The following RIMS3 variants were observed in gnomAD, a reference collection of about 807,000 sequenced individuals.
The protein encoded by RIMS3 is regulating synaptic membrane exocytosis protein 3.
RIMS3 carries 15 observed loss-of-function variants against 29.2 expected under a neutral mutation model. The observed-to-expected ratio is 0.51, with a 90% CI of 0.34 to 0.79. The LOEUF (loss-of-function observed/expected upper bound fraction) is 0.79, where lower values mean the gene tolerates loss of function less well. Ranked by LOEUF, RIMS3 falls within the 30% of genes least tolerant of loss-of-function variation. The pLI is 0.01. For missense variants in RIMS3, 342 were observed against 421.4 expected (o/e 0.81, Z 1.65); for synonymous variants, 161 against 170.1 (o/e 0.95, Z 0.41).
intron 1 of RIMS3, among the ~76,000 whole-genome samples, chr1:40,648,592 T>C (rs1345264442): frequency 6.6e-6 from 1 of 152,236 alleles, no homozygotes; most frequent in Non-Finnish European, 1.5e-5. Context: ...ATGTGGTAAA[T>C]GATCATCAGT....
At chr1:40,649,533 G>A (rs1646617472) in intron 1 of RIMS3, among the ~76,000 whole-genome samples, 3 of 152,206 alleles carry the variant, frequency 2.0e-5, no homozygotes, top group African/African-American at 7.2e-5. Context: ...CCTTGGCTAA[G>A]GCACACACCC....
intron 3 of RIMS3, among the ~76,000 whole-genome samples, chr1:40,641,367 G>A (rs1646555108): frequency 6.6e-6 from 1 of 152,200 alleles, no homozygotes; most frequent in African/African-American, 2.4e-5. Context: ...GTAATTACTG[G>A]TTAATGTCTG....
chr1:40,642,790 T>C (rs1646567097), intron 2 of RIMS3, among the ~76,000 whole-genome samples: 1 of 99,224 alleles, frequency 1.0e-5, no homozygotes, highest in South Asian at 3.1e-4. Context: ...ACCCCATCTC[T>C]ACTAAAAATA....
rs909043184 is a variant in RIMS3 at position 40,626,345 on chromosome 1, C to T, written c.*172G>A. The T allele has an allele frequency of 1.8e-5, 12 of 670,334 alleles. No individual in the cohort carries two copies. The highest frequency in any genetic ancestry group is 1.1e-4 in the Admixed American group (5 of 47,018). The allele number at this position is 670,334 out of a possible 1,614,324, so 41.5% of individuals were successfully genotyped here. A position where few individuals can be genotyped will look rare whatever the true frequency, so the allele number is the denominator to read the frequency against. Reference sequence around the variant, plus strand: ...TCACGTACACACACACACACACGCACGCACACACGCACACACTACAGTCTC... The same window carrying T: ...TCACGTACACACACACACACACGCATGCACACACGCACACACTACAGTCTC... On this transcript the variant is annotated 3_prime_UTR_variant, in exon 8 of 8. Transcript: ENST00000372684.
At chr1:40,682,689 C>T in the RIMS3 span, among the ~76,000 whole-genome samples, 3 of 149,258 alleles carry the variant, frequency 2.0e-5, no homozygotes, top group Admixed American at 6.7e-5. Flanking sequence ...TCTTAATTCA[C>T]TCATAGTCCC....
upstream of RIMS3, among the ~76,000 whole-genome samples, chr1:40,668,897 G>C (rs1455970804): frequency 2.0e-5 from 3 of 152,210 alleles, no homozygotes; most frequent in Admixed American, 6.5e-5. Context: ...GGGGCTGTGA[G>C]AGTCGAGACC....
chr1:40,629,405 G>T (rs1189812545), intron 5 of RIMS3, 33 bp from the exon 6 acceptor site: 5 of 1,572,842 alleles, frequency 3.2e-6, no homozygotes, highest in African/African-American at 1.3e-5. Flanking sequence ...TCCAGGCAGG[G>T]CCAGACCAAG....
At chr1:40,691,749 C>T in the RIMS3 span, 13 of 455,478 alleles carry the variant, frequency 2.9e-5, no homozygotes, top group South Asian at 1.6e-4. Context: ...GCTTCGCGCG[C>T]GCTCCGTTCT....
intron 6 of RIMS3, 124 bp downstream of exon 6, chr1:40,629,147 C>A: frequency 9.1e-7 from 1 of 1,099,460 alleles, no homozygotes; most frequent in East Asian, 2.4e-5. Context: ...ACTGGCCTTC[C>A]AGGCAAGCTG....
chr1:40,684,054 T>A, the RIMS3 span, among the ~76,000 whole-genome samples: 1 of 152,240 alleles, frequency 6.6e-6, no homozygotes, highest in Non-Finnish European at 1.5e-5. Flanking sequence ...TGGCCAAAGC[T>A]AGCTCTAACA....
intron 1 of RIMS3, among the ~76,000 whole-genome samples, chr1:40,663,207 C>G (rs1301656572): frequency 6.6e-6 from 1 of 152,138 alleles, no homozygotes; most frequent in African/African-American, 2.4e-5. Context: ...GGAGACGCAC[C>G]CTGCACCCCA....
the RIMS3 span, among the ~76,000 whole-genome samples, chr1:40,684,415 T>C: frequency 2.6e-5 from 4 of 152,336 alleles, no homozygotes; most frequent in African/African-American, 7.2e-5. Context: ...GTCTTTCTTA[T>C]ATATTTCAAA....
chr1:40,676,242 T>C, the RIMS3 span, among the ~76,000 whole-genome samples: 1 of 152,202 alleles, frequency 6.6e-6, no homozygotes, highest in East Asian at 1.9e-4. Context: ...CCTGCCCCTC[T>C]CTGAGCCTCG....
At chr1:40,676,392 A>G in the RIMS3 span, among the ~76,000 whole-genome samples, 1 of 152,320 alleles carries the variant, frequency 6.6e-6, no homozygotes, top group Admixed American at 6.5e-5. Context: ...CTCCCAAAAT[A>G]GCGTGGTGGC....
chr1:40,645,646 C>G (rs1407220374), intron 2 of RIMS3, among the ~76,000 whole-genome samples: 1 of 152,114 alleles, frequency 6.6e-6, no homozygotes, highest in Non-Finnish European at 1.5e-5. Context: ...AAATCCCAAC[C>G]GGACCATAGC....
At chr1:40,652,312 C>G (rs1642179785) in intron 1 of RIMS3, among the ~76,000 whole-genome samples, 1 of 152,210 alleles carries the variant, frequency 6.6e-6, no homozygotes, top group African/African-American at 2.4e-5. Flanking sequence ...GGAGCTTGCT[C>G]TGATCCATGG....
At chr1:40,650,863 CAAAAAAAAAAAA>C (rs58578342) in intron 1 of RIMS3, among the ~76,000 whole-genome samples, 6 of 64,564 alleles carry the variant, frequency 9.3e-5, no homozygotes, top group South Asian at 7.9e-4. Flanking sequence ...CAGACTCTGT[CAAAAAAAAAAAA>C]AAAAAAAAAA....
Position 40,623,276 on chromosome 1 carries a change from C to A in RIMS3, c.*3241G>T. 1 of 397,476 alleles carries A rather than the reference C, an allele frequency of 2.5e-6. No homozygotes were observed. 24.6% of individuals were successfully genotyped at this position (397,476 alleles called of 1,614,324 possible). ...GAGTCATTTTGGAGATGATTCTTCC[C>A]TGAAGGATCAAGTTCCCCTTGTCAA... On this transcript the variant is annotated 3_prime_UTR_variant, in exon 8 of 8. Transcript: ENST00000372684.
At chr1:40,670,424 C>A (rs1642477373), upstream of RIMS3, among the ~76,000 whole-genome samples, 1 of 151,548 alleles carries the variant, frequency 6.6e-6, no homozygotes, top group South Asian at 2.1e-4. Context: ...AGAGCTTACA[C>A]AAAGGCCCTG....
Sources: gnomAD v4.1 joint callset for allele counts (sites outside exome capture counted in the v4.1 genomes callset) on GRCh38, gnomAD v4.1.1 for gene constraint, MANE v1.5 for transcripts, NCBI Gene and HGNC (gene_info 2026-07-23, HGNC 2026-07-21) for gene names.